The following GOLGA6L2 variants were observed in gnomAD, a reference collection of about 807,000 sequenced individuals.
GOLGA6L2 encodes golgin A6 family like 2, also known as golgin subfamily A member 6-like protein 2.
A neutral mutation model predicts 35.9 loss-of-function variants in GOLGA6L2; 30 were observed. That is an observed-to-expected ratio of 0.83 (90% CI 0.62 to 1.13). GOLGA6L2 has a LOEUF of 1.13. Among genes scored for constraint, GOLGA6L2 ranks in the 50% most tolerant of loss-of-function variants. The probability of loss-of-function intolerance (pLI) is 0.00; values close to 1 mark genes in which losing one functional copy is unlikely to be tolerated. For missense variants in GOLGA6L2, 821 were observed against 973.4 expected, an observed-to-expected ratio of 0.84 and a Z score of 2.08; for synonymous variants, 297 against 344.0, an observed-to-expected ratio of 0.86 and a Z score of 1.51.
At chr15:23,445,656 G>C (rs1163253879) in intron 1 of GOLGA6L2, among the ~76,000 whole-genome samples, 1 of 152,238 alleles carries the variant, frequency 6.6e-6, no homozygotes, top group Non-Finnish European at 1.5e-5. Context: ...CTGAGCTCTG[G>C]GGTTTTGCCA....
chr15:23,440,464 C>T lies in GOLGA6L2; in HGVS notation c.2011G>A (p.Gly671Arg). 2 of 296,064 alleles carry T rather than the reference C, an allele frequency of 6.8e-6. No homozygotes were observed. Among genetic ancestry groups the T allele is most frequent in the Non-Finnish European group, 9.1e-6 (2 of 218,812 alleles). 18.3% of individuals were successfully genotyped at this position (296,064 alleles called of 1,614,324 possible). A position where few individuals can be genotyped will look rare whatever the true frequency, so the allele number is the denominator to read the frequency against. Residue 671 changes from glycine (G) to arginine (R), a missense_variant, in exon 8 of 8, where the codon GGA becomes AGA. Physicochemically the swap from Gly to Arg is moderately radical, Grantham distance 125. Transcript: ENST00000567107. ...CCTCCTGCTCCTGCATCTTCTCTTC[C>T]TGCTCCCACATCTTCTCCTCCTGCT... ...AGAGGEDVGA[G>R]REDAGAGGED...
rs766045759 is a variant in GOLGA6L2, at chr15:23,441,011, C to T, written c.1464G>A (p.Trp488Ter). ...TCTGTTCCGGCAGCCTCTGCTGCTG[C>T]CACTCCTTCTCTTCCTGCTCCCACA... ...ENMWEQEEKE[W>*]QQQRLPEQKE... The change falls in exon 8 of 8, where the codon TGG becomes TGA. Residue 488 changes from tryptophan (W) to a stop codon, truncating the protein, a stop_gained. Transcript: ENST00000567107. LOFTEE classifies it low-confidence loss of function (END_TRUNC). 1 of 1,536,306 alleles carries T rather than the reference C, an allele frequency of 6.5e-7. No individual in the cohort carries two copies. The highest frequency in any genetic ancestry group is 1.4e-5 in the African/African-American group (1 of 72,378).
chr15:23,442,462 A>G lies in GOLGA6L2; in HGVS notation c.638T>C (p.Leu213Pro), dbSNP rs752750375. Reference sequence around the variant, plus strand: ...TCCCCCATCCTACGTGTTCCTGTACAGTTCCAGACTCAGGGCGTCCCTCTC... The same window carrying G: ...TCCCCCATCCTACGTGTTCCTGTACGGTTCCAGACTCAGGGCGTCCCTCTC... ...TKERDALSLE[L>P]YRNTITNEEL... Residue 213 changes from leucine (L) to proline (P), a missense_variant, in exon 6 of 8, where the codon CTG becomes CCG. Leu to Pro is a moderately conservative substitution (Grantham distance 98). This residue lies in a region of GOLGA6L2 where 614 missense variants were observed against 632.3 expected (regional missense o/e 0.97). Transcript: ENST00000567107. 6.3e-7 allele frequency: 1 copy of G among 1,593,292 alleles called. No homozygotes were observed. Among genetic ancestry groups the G allele is most frequent in the South Asian group, 1.1e-5 (1 of 90,416 alleles).
Position 23,439,670 on chromosome 15 carries a change from G to A in GOLGA6L2, c.*75C>T. 1 of 1,537,236 alleles carries A rather than the reference G, an allele frequency of 6.5e-7. No homozygotes were observed. The highest frequency in any genetic ancestry group is 8.7e-7 in the Non-Finnish European group (1 of 1,147,210). ...ACAAAACAGCTGCATGATCTCCTGT[G>A]CAGTGGGGTTGTCCTGCGGAGAACC... On this transcript the variant is annotated 3_prime_UTR_variant, in exon 8 of 8. Transcript: ENST00000567107.
In GOLGA6L2 at chr15:23,447,109, C is replaced by T. The variant is rs1414966828; in HGVS notation, c.73G>A (p.Ala25Thr). The T allele has an allele frequency of 1.3e-6, 2 of 1,575,922 alleles. No homozygotes were observed. The highest frequency in any genetic ancestry group is 2.7e-5 in the African/African-American group (2 of 74,154). Reference protein sequence around the residue: ...EKTRQNKLAEAKKKFTDYRQW... With the variant: ...EKTRQNKLAETKKKFTDYRQW... ...CCAGTGAGTTTTACCTTTTTCTTGG[C>T]CTCAGCCAATTTGTTCTGTCTGGTT... The change falls in exon 1 of 8, where the codon GCC becomes ACC. Residue 25 changes from alanine (A) to threonine (T), a missense_variant. Transcript: ENST00000567107.
At position 23,439,898 on chromosome 15, in the gene GOLGA6L2, A is replaced by G; in HGVS notation, c.2577T>C (p.Asp859=). The G allele has an allele frequency of 2.0e-6, 3 of 1,511,206 alleles. No homozygotes were observed. The highest frequency in any genetic ancestry group is 1.6e-5 in the African/African-American group (1 of 62,608). The allele number at this position is 1,511,206 out of a possible 1,614,324, so 93.6% of individuals were successfully genotyped here. Residue 859 remains aspartate (D), a synonymous_variant, in exon 8 of 8, where the codon GAT becomes GAC. Transcript: ENST00000567107. ...GGEDVGPGGE[D]VGAGGEDVGA... is the part of the protein sequence containing the mutation. ...CCACATCTTCTCCTCCTGCCCCCAC[A>G]TCTTCTCCTCCTGGCCCCACATCTT... is the stretch of plus-strand genomic sequence containing the variant.
chr15:23,443,943 G>T lies in GOLGA6L2; in HGVS notation c.425C>A (p.Ala142Glu), dbSNP rs781364160. ...ACTCCCCCTAAAGGCCTGTGAAAGT[G>T]CCAGGTTGAAGGATGATGGGGTGCC... ...NLGTPSSFNL[A>E]LSQAFRGSPL... is the part of the protein sequence containing the mutation. Residue 142 changes from alanine to glutamate, a missense_variant, in exon 5 of 8, where the codon GCA (alanine) becomes GAA (glutamate). By Grantham distance (107) the Ala-to-Glu change is moderately radical. Coordinates refer to ENST00000567107, the MANE Select transcript of GOLGA6L2 (RefSeq NM_001304388.2). 2 of 1,559,148 alleles carry T rather than the reference G, an allele frequency of 1.3e-6. No individual in the cohort carries two copies. Among genetic ancestry groups the T allele is most frequent in the African/African-American group, 1.4e-5 (1 of 73,978 alleles).
rs1432544823 is a variant in GOLGA6L2, at chr15:23,441,061, TCTC to T, written c.1411_1413del (p.Glu471del). 3.3e-6 allele frequency: 5 copies of T among 1,532,802 alleles called. No individual in the cohort carries two copies. Among genetic ancestry groups the T allele is most frequent in the East Asian group, 2.5e-5 (1 of 40,352 alleles). 95.0% of individuals were successfully genotyped at this position (1,532,802 alleles called of 1,614,324 possible). On this transcript the variant is annotated inframe_deletion, in exon 8 of 8. Coordinates refer to ENST00000567107, the MANE Select transcript of GOLGA6L2 (RefSeq NM_001304388.2). ...ATATTCTCCTCCTGCTTCTGCATCTTCTCCTCCTGCTCCCGCATCGTCTCCTCC... is the reference window on the plus strand; with the variant it reads ...ATATTCTCCTCCTGCTTCTGCATCTTCTCCTGCTCCCGCATCGTCTCCTCC...
In GOLGA6L2 at chr15:23,441,457, G is replaced by A. The variant is rs1217316208; in HGVS notation, c.1018C>T (p.Gln340Ter). Residue 340 changes from glutamine (Q) to a stop codon, truncating the protein, a stop_gained, in exon 8 of 8, where the codon CAG becomes TAG. Transcript: ENST00000567107. LOFTEE classifies it low-confidence loss of function (END_TRUNC). ...TCCTCCTGCTCCCGCAGCTTCTTCT[G>A]CTCCCGCAGCTCCTTCTCCTGCTCC... Reference protein sequence around the residue: ...LREQEKELREQKKLREQEEQM... With the variant: ...LREQEKELRE The A allele has an allele frequency of 3.6e-6, 5 of 1,391,900 alleles. No homozygotes were observed. Among genetic ancestry groups the A allele is most frequent in the Admixed American group, 2.4e-5 (1 of 41,244 alleles). The allele number at this position is 1,391,900 out of a possible 1,614,324, so 86.2% of individuals were successfully genotyped here.
chr15:23,441,451 T>C lies in GOLGA6L2; in HGVS notation c.1024A>G (p.Lys342Glu), dbSNP rs35708006. 0.85 allele frequency: 1,311,697 copies of C among 1,541,126 alleles called. 560,101 individuals are homozygous for C. The highest frequency in any genetic ancestry group is 0.86 in the Admixed American group (43,922 of 50,798). ...EQEKELREQK[K>E]LREQEEQMQE... ...ATCTGCTCCTCCTGCTCCCGCAGCT[T>C]CTTCTGCTCCCGCAGCTCCTTCTCC... The change falls in exon 8 of 8, where the codon AAG becomes GAG. Residue 342 changes from lysine (K) to glutamate (E), a missense_variant. Around this residue, in one of 7 missense-constraint regions of GOLGA6L2, gnomAD observed 614 missense variants for 632.3 expected, o/e 0.97. Transcript: ENST00000567107.
At position 23,443,971 on chromosome 15, in the gene GOLGA6L2, G is replaced by C. The variant is rs1353485073; in HGVS notation, c.397C>G (p.Leu133Val). 1.9e-6 allele frequency: 3 copies of C among 1,562,204 alleles called. No homozygotes were observed. Among genetic ancestry groups the C allele is most frequent in the Non-Finnish European group, 2.6e-6 (3 of 1,160,706 alleles). The change falls in exon 5 of 8, where the codon CTG becomes GTG. Residue 133 changes from leucine to valine, a missense_variant. Physicochemically the swap from Leu to Val is conservative, Grantham distance 32. Coordinates refer to ENST00000567107, the MANE Select transcript of GOLGA6L2 (RefSeq NM_001304388.2). ...DAARKFEDGNLGTPSSFNLAL... is the reference protein window; with the variant it reads ...DAARKFEDGNVGTPSSFNLAL... ...AGGTTGAAGGATGATGGGGTGCCCAGGTTCCCATCTTCAAATTTCCTGGCA... is the reference window on the plus strand; with the variant it reads ...AGGTTGAAGGATGATGGGGTGCCCACGTTCCCATCTTCAAATTTCCTGGCA...
In GOLGA6L2 at chr15:23,439,547, A is replaced by G. The variant is rs554422219; in HGVS notation, c.*198T>C. On this transcript the variant is annotated 3_prime_UTR_variant, in exon 8 of 8. Coordinates refer to ENST00000567107, the MANE Select transcript of GOLGA6L2 (RefSeq NM_001304388.2). ...CCTTGTTGACAGTGCCAACTTTTAG[A>G]TATTGATGATCTTCATCTTTCTCTT... 1.3e-4 allele frequency: 201 copies of G among 1,524,810 alleles called. No homozygotes were observed. The highest frequency in any genetic ancestry group is 2.6e-6 in the Non-Finnish European group (3 of 1,141,012). 94.5% of individuals were successfully genotyped at this position (1,524,810 alleles called of 1,614,324 possible).
rs141671477 is a variant in GOLGA6L2 at position 23,444,488 on chromosome 15, G to A, written c.226C>T (p.Arg76Ter). 7.2e-5 allele frequency: 115 copies of A among 1,599,842 alleles called. No individual in the cohort carries two copies. The East Asian group carries it at 1.7e-3, about 24-fold the overall frequency. Residue 76 changes from arginine to a stop codon, truncating the protein, a stop_gained, in exon 3 of 8, where the codon CGA (arginine) becomes TGA (stop). Transcript: ENST00000567107. LOFTEE classifies it high-confidence loss of function. ...CACGTTACTTCTTTCAGCTGCGCTC[G>A]GTTCTGTTGTGTCTGTGGGGAGAGT... ...CHSPEDTQQN[R>*]AQLKEEKKAS...
rs2070633133 is a variant in GOLGA6L2, at chr15:23,439,948, C to T, written c.2527G>A (p.Gly843Arg). The stretch of plus-strand genomic sequence containing the variant: ...TCTCCTCCTGGCCCCGCATCTTCTC[C>T]TCCTGCTCCCGCATCTTCTCCTCCT... ...GPGGEDAGAGGEDAGPGGEDV... is the reference protein window; with the variant it reads ...GPGGEDAGAGREDAGPGGEDV... The change falls in exon 8 of 8, where the codon GGA (glycine) becomes AGA (arginine). Residue 843 changes from glycine (G) to arginine (R), a missense_variant. Physicochemically the swap from Gly to Arg is moderately radical, Grantham distance 125. This residue lies in a region of GOLGA6L2 where 0 missense variants were observed against 24.7 expected (regional missense o/e 0.00). Coordinates refer to ENST00000567107, the MANE Select transcript of GOLGA6L2 (RefSeq NM_001304388.2). 8.4e-7 allele frequency: 1 copy of T among 1,191,900 alleles called. No homozygotes were observed. The highest frequency in any genetic ancestry group is 2.3e-5 in the African/African-American group (1 of 43,540). The allele number at this position is 1,191,900 out of a possible 1,614,324, so 73.8% of individuals were successfully genotyped here.
In GOLGA6L2 at chr15:23,439,848, C is replaced by T. The variant is rs1316493899; in HGVS notation, c.2627G>A (p.Gly876Glu). The T allele has an allele frequency of 4.1e-6, 6 of 1,455,644 alleles. No homozygotes were observed. The highest frequency in any genetic ancestry group is 4.8e-5 in the Admixed American group (2 of 41,868). The allele number at this position is 1,455,644 out of a possible 1,614,324, so 90.2% of individuals were successfully genotyped here. The change falls in exon 8 of 8, where the codon GGA (glycine) becomes GAA (glutamate). Residue 876 changes from glycine to glutamate, a missense_variant. Transcript: ENST00000567107. ...DVGAGGDARE[G>E]GEDTRSERED... ...TCTTTCTGATCTCGTATCCTCTCCT[C>T]CTTCTCTCGCATCTCCTCCTGCCCC... is the stretch of plus-strand genomic sequence containing the variant.
chr15:23,441,137 C>T lies in GOLGA6L2; in HGVS notation c.1338G>A (p.Met446Ile). 1 of 1,532,904 alleles carries T rather than the reference C, an allele frequency of 6.5e-7. No homozygotes were observed. Among genetic ancestry groups the T allele is most frequent in the Non-Finnish European group, 8.8e-7 (1 of 1,141,584 alleles). The allele number at this position is 1,532,904 out of a possible 1,614,324, so 95.0% of individuals were successfully genotyped here. Residue 446 changes from methionine to isoleucine, a missense_variant, in exon 8 of 8, where the codon ATG (methionine) becomes ATA (isoleucine). Met to Ile is a conservative substitution (Grantham distance 10). This residue lies in a region of GOLGA6L2 where 614 missense variants were observed against 632.3 expected (regional missense o/e 0.97). Coordinates refer to ENST00000567107, the MANE Select transcript of GOLGA6L2 (RefSeq NM_001304388.2). ...EKKTRDQEEK[M>I]QEEERIRERE... The stretch of plus-strand genomic sequence containing the variant: ...GCTCCCGTATCCTCTCCTCCTCTTG[C>T]ATCTTCTCCTCCTGGTCCCGCGTCT...
chr15:23,440,931 T>G lies in GOLGA6L2; in HGVS notation c.1544A>C (p.Glu515Ala), dbSNP rs1443311372. 6.6e-7 allele frequency: 1 copy of G among 1,505,710 alleles called. No homozygotes were observed. The allele number at this position is 1,505,710 out of a possible 1,614,324, so 93.3% of individuals were successfully genotyped here. The change falls in exon 8 of 8, where the codon GAG (glutamate) becomes GCG (alanine). Residue 515 changes from glutamate to alanine, a missense_variant. Physicochemically the swap from Glu to Ala is moderately radical, Grantham distance 107. Coordinates refer to ENST00000567107, the MANE Select transcript of GOLGA6L2 (RefSeq NM_001304388.2). ...CTGGTCCCGTATCTTCTCCTCCTGC[T>G]CCCATATCTTCTCCTCCTGCTCCTG... ...KMQEQEEKIW[E>A]QEEKIRDQEE...
At chr15:23,444,644 C>G (rs1166613135) in intron 2 of GOLGA6L2, 144 bp from the exon 3 acceptor site, 4 of 712,296 alleles carry the variant, frequency 5.6e-6, no homozygotes, top group Non-Finnish European at 9.6e-6. Context: ...GGTAAACTCT[C>G]AACTCCCAAA....
chr15:23,444,207 CT>C lies in GOLGA6L2; in HGVS notation c.248del (p.Lys83ArgfsTer11). 2 of 1,604,136 alleles carry C rather than the reference CT, an allele frequency of 1.2e-6. No homozygotes were observed. On this transcript the variant is annotated frameshift_variant, in exon 4 of 8. Coordinates refer to ENST00000567107, the MANE Select transcript of GOLGA6L2 (RefSeq NM_001304388.2). LOFTEE classifies it high-confidence loss of function. ...QQNRAQLKEE[K>X]KASHQHQEAL... ...CTTCCTGATGTTGGTGGCTTGCCTT[CT>C]TTTCCTATAGAAAGAGGAAGACAGA... is the stretch of plus-strand genomic sequence containing the variant.
Sources: allele counts gnomAD v4.1 joint callset (sites outside exome capture counted in the v4.1 genomes callset), GRCh38; gene constraint gnomAD v4.1.1; regional missense constraint gnomAD v4.1.1; transcripts MANE v1.5; gene names NCBI Gene and HGNC (gene_info 2026-07-23, HGNC 2026-07-21).